The following RBFOX1 variants were observed in gnomAD, a reference collection of about 807,000 sequenced individuals.
RBFOX1 encodes the protein RNA binding protein fox-1 homolog 1.
RBFOX1 carries 8 observed loss-of-function variants against 57.7 expected under a neutral mutation model. The observed-to-expected ratio is 0.14, with a 90% confidence interval of 0.08 to 0.25. RBFOX1 has a LOEUF of 0.25. RBFOX1 is among the 10% of genes least tolerant of loss of function. The probability of loss-of-function intolerance (pLI) is 1.00; values close to 1 mark genes in which losing one functional copy is unlikely to be tolerated. For synonymous variants in RBFOX1, 326 were observed against 222.4 expected (o/e 1.47, Z -4.15); for missense variants, 611 against 548.5 (o/e 1.11, Z -1.14).
chr16:6,883,013 T>C (rs1398369137), intron 3 of RBFOX1, among the ~76,000 whole-genome samples: 2 of 152,192 alleles, frequency 1.3e-5, no homozygotes, highest in African/African-American at 4.8e-5. Flanking sequence ...AAGTCCAATC[T>C]GCAGATATTC....
At chr16:6,797,502 C>A (rs749671671) in intron 3 of RBFOX1, among the ~76,000 whole-genome samples, 7 of 152,146 alleles carry the variant, frequency 4.6e-5, no homozygotes, top group Admixed American at 4.6e-4. Context: ...CCTAATGTTG[C>A]TGATTTCAGG....
At chr16:5,617,398 C>G (rs575737168) in intron 3 of RBFOX1, among the ~76,000 whole-genome samples, 2 of 152,186 alleles carry the variant, frequency 1.3e-5, no homozygotes, top group East Asian at 1.9e-4. Context: ...ATCCCGGGTG[C>G]TCAGCAGTCA....
intron 1 of RBFOX1, among the ~76,000 whole-genome samples, chr16:5,290,102 A>C (rs2063496911): frequency 6.6e-6 from 1 of 152,360 alleles, no homozygotes; most frequent in African/African-American, 2.4e-5. Context: ...ATATTATGCT[A>C]AGTGGAAGAA....
chr16:6,192,517 A>G (rs998184242), intron 1 of RBFOX1, among the ~76,000 whole-genome samples: 11 of 151,998 alleles, frequency 7.2e-5, no homozygotes, highest in South Asian at 2.1e-4. Flanking sequence ...CACAGCTCAC[A>G]CACCGTTTTA....
chr16:7,084,886 C>G (rs1478798503), intron 4 of RBFOX1, among the ~76,000 whole-genome samples: 1 of 152,120 alleles, frequency 6.6e-6, no homozygotes, highest in Non-Finnish European at 1.5e-5. Flanking sequence ...TATCTATCTT[C>G]TATCCGTTTG....
chr16:6,121,160 C>T (rs961746025), intron 1 of RBFOX1, among the ~76,000 whole-genome samples: 4 of 152,162 alleles, frequency 2.6e-5, no homozygotes, highest in African/African-American at 9.7e-5. Context: ...ACAGCCCTGC[C>T]AACCCATCAA....
At chr16:6,908,107 G>A (rs1001833974) in intron 3 of RBFOX1, among the ~76,000 whole-genome samples, 1 of 151,730 alleles carries the variant, frequency 6.6e-6, no homozygotes, top group East Asian at 1.9e-4. Context: ...AGCTACTGGG[G>A]GTTAGGACAT....
intron 4 of RBFOX1, among the ~76,000 whole-genome samples, chr16:7,201,298 A>G (rs920025608): frequency 6.6e-6 from 1 of 152,184 alleles, no homozygotes; most frequent in African/African-American, 2.4e-5. Flanking sequence ...GCCAGGTAGT[A>G]GAAGAGGTGA....
At chr16:5,580,586 T>C (rs1195152393) in intron 2 of RBFOX1, among the ~76,000 whole-genome samples, 2 of 152,168 alleles carry the variant, frequency 1.3e-5, no homozygotes, top group East Asian at 3.9e-4. Context: ...ACGCTGGTTG[T>C]TCCCTTTGTG....
intron 3 of RBFOX1, among the ~76,000 whole-genome samples, chr16:5,720,753 A>T (rs1329412896): frequency 1.3e-5 from 2 of 152,232 alleles, no homozygotes; most frequent in African/African-American, 4.8e-5. Context: ...AAAAGGATTT[A>T]TTTATGGACT....
intron 3 of RBFOX1, among the ~76,000 whole-genome samples, chr16:6,863,790 T>G (rs962736314): frequency 7.2e-6 from 1 of 138,888 alleles, no homozygotes; most frequent in African/African-American, 2.8e-5. Flanking sequence ...GTAATAAACC[T>G]TGTGATACAG....
At chr16:5,745,404 T>C (rs745554892) in intron 3 of RBFOX1, among the ~76,000 whole-genome samples, 1 of 152,184 alleles carries the variant, frequency 6.6e-6, no homozygotes, top group Admixed American at 6.5e-5. Flanking sequence ...AATAAACATA[T>C]GTGTGCATGT....
intron 4 of RBFOX1, among the ~76,000 whole-genome samples, chr16:7,201,452 C>CTTTTTTTT (rs71147669): frequency 6.8e-6 from 1 of 146,048 alleles, no homozygotes; most frequent in African/African-American, 2.5e-5. Context: ...CGATCTGATT[C>CTTTTTTTT]TTTTTTTTTT....
chr16:6,840,056 G>C (rs1487263012), intron 3 of RBFOX1, among the ~76,000 whole-genome samples: 3 of 152,120 alleles, frequency 2.0e-5, no homozygotes, highest in South Asian at 2.1e-4. Flanking sequence ...AAATCCGTGA[G>C]TTTACTACTC....
rs2095786929 is a variant in RBFOX1 at position 7,291,953 on chromosome 16, A to G, written c.28-226194A>G. ...ATTTTATATATTATATATTATGTAT[A>G]TAATATATAATATATTTTATATATA... On this transcript the variant is annotated intron_variant, in intron 4 of 15. Coordinates refer to ENST00000550418, the MANE Select transcript of RBFOX1 (RefSeq NM_018723.4). 2.8e-5 allele frequency among the ~76,000 whole-genome samples: 3 copies of G among 106,056 alleles called. 1 individual carries two copies. The highest frequency in any genetic ancestry group is 5.7e-4 in the South Asian group (2 of 3,512). 69.6% of individuals were successfully genotyped at this position (106,056 alleles called of 152,430 possible). A position where few individuals can be genotyped will look rare whatever the true frequency, so the allele number is the denominator to read the frequency against.
intron 2 of RBFOX1, among the ~76,000 whole-genome samples, chr16:6,549,546 G>C (rs920025529): frequency 3.7e-5 from 5 of 134,884 alleles, no homozygotes; most frequent in African/African-American, 1.4e-4. Context: ...GAGGGGAGGA[G>C]GAGGATGGGA....
intron 3 of RBFOX1, among the ~76,000 whole-genome samples, chr16:5,724,289 C>G (rs1313969513): frequency 6.6e-6 from 1 of 152,158 alleles, no homozygotes; most frequent in Non-Finnish European, 1.5e-5. Context: ...AGCCAGGGCC[C>G]TTGCGCACCC....
At chr16:5,460,487 G>T (rs1176119707) in intron 1 of RBFOX1, among the ~76,000 whole-genome samples, 2 of 152,150 alleles carry the variant, frequency 1.3e-5, no homozygotes, top group Non-Finnish European at 2.9e-5. Flanking sequence ...GATAAGTTTT[G>T]TTGGGGTCCT....
At chr16:5,856,625 G>A (rs2057079910) in intron 3 of RBFOX1, among the ~76,000 whole-genome samples, 1 of 98,148 alleles carries the variant, frequency 1.0e-5, no homozygotes, top group Non-Finnish European at 2.0e-5. Context: ...AGATCTTCTG[G>A]ATAACTTGCT....
Sources: allele counts gnomAD v4.1 joint callset (sites outside exome capture counted in the v4.1 genomes callset), GRCh38; gene constraint gnomAD v4.1.1; transcripts MANE v1.5; gene names NCBI Gene and HGNC (gene_info 2026-07-23, HGNC 2026-07-21).